BCL3: variants seen among roughly 807,000 people sequenced by gnomAD.
BCL3 encodes B-cell lymphoma 3 protein.
A neutral mutation model predicts 35.7 loss-of-function variants in BCL3; 15 were observed. The observed-to-expected ratio is 0.42, with a 90% CI of 0.28 to 0.65. The LOEUF (loss-of-function observed/expected upper bound fraction) is 0.65, where lower values mean the gene tolerates loss of function less well. Ranked by LOEUF, BCL3 falls within the 30% of genes least tolerant of loss-of-function variation. BCL3 has a pLI of 0.22. For missense variants in BCL3, 565 were observed against 641.7 expected (o/e 0.88, Z 1.29); for synonymous variants, 311 against 284.3 (o/e 1.09, Z -0.95).
chr19:44,752,109 C>CAA (rs1402677719), intron 2 of BCL3, among the ~76,000 whole-genome samples: 1 of 150,104 alleles, frequency 6.7e-6, no homozygotes, highest in Non-Finnish European at 1.5e-5. Flanking sequence ...CACACACACA[C>CAA]AAACTTGAAA....
Position 44,748,738 on chromosome 19 carries a change from C to T in BCL3, c.-53C>T. The T allele has an allele frequency of 9.3e-7, 1 of 1,075,936 alleles. No individual in the cohort carries two copies. Among genetic ancestry groups the T allele is most frequent in the Non-Finnish European group, 1.1e-6 (1 of 888,690 alleles). 66.6% of individuals were successfully genotyped at this position (1,075,936 alleles called of 1,614,324 possible). A position where few individuals can be genotyped will look rare whatever the true frequency, so the allele number is the denominator to read the frequency against. The stretch of plus-strand genomic sequence containing the variant: ...AAGTCCCGGCGCCCGGCGAAACCAC[C>T]CTCCCGTGCAGCCGAGCCCAGCCGC... On this transcript the variant is annotated 5_prime_UTR_variant, in exon 1 of 9. Coordinates refer to ENST00000164227, the MANE Select transcript of BCL3 (RefSeq NM_005178.5).
At chr19:44,753,142 G>GCA (rs1448853379) in intron 2 of BCL3, among the ~76,000 whole-genome samples, 4 of 152,218 alleles carry the variant, frequency 2.6e-5, no homozygotes, top group Non-Finnish European at 4.4e-5. Context: ...AATGGGTAAT[G>GCA]TTTGAGCAGA....
chr19:44,749,554 A>C (rs1967137893), intron 1 of BCL3, among the ~76,000 whole-genome samples: 1 of 152,094 alleles, frequency 6.6e-6, no homozygotes, highest in Non-Finnish European at 1.5e-5. Flanking sequence ...AGGAACCAAG[A>C]TATCTGGAGA....
In BCL3 at chr19:44,754,728, C is replaced by T. The variant is rs1967250127; in HGVS notation, c.411-1504C>T. Among the ~76,000 whole-genome samples, 2 of 152,110 alleles carry T rather than the reference C, an allele frequency of 1.3e-5. 1 individual carries two copies. The highest frequency in any genetic ancestry group is 4.1e-4 in the South Asian group (2 of 4,830). On this transcript the variant is annotated intron_variant, in intron 2 of 8. Transcript: ENST00000164227. ...GGGGACCCTTCCCAGGGACCCCGGC[C>T]CCTCCCTCAACATTTTATTTTTAAA... is the stretch of plus-strand genomic sequence containing the variant.
chr19:44,759,480 C>A lies in BCL3; in HGVS notation c.1230C>A (p.Asp410Glu). 1.9e-6 allele frequency: 3 copies of A among 1,609,706 alleles called. No individual in the cohort carries two copies. The highest frequency in any genetic ancestry group is 1.7e-6 in the Non-Finnish European group (2 of 1,177,232). Residue 410 changes from aspartate (D) to glutamate (E), a missense_variant, in exon 9 of 9, where the codon GAC becomes GAA. Asp to Glu is a conservative substitution (Grantham distance 45, BLOSUM62 2). This residue lies in a region of BCL3 where 151 missense variants were observed against 138.1 expected (regional missense o/e 1.09). Coordinates refer to ENST00000164227, the MANE Select transcript of BCL3 (RefSeq NM_005178.5). ...CACCCTCCCAGTCTCCCCCCAGGGA[C>A]CCCCCTGGATTCCCCATGGCTCCTC... ...SSSPSQSPPR[D>E]PPGFPMAPPN...
Position 44,757,297 on chromosome 19 carries a change from T to C in BCL3, c.725-30T>C, listed in dbSNP as rs11880948. ...CATCAGCGGCCGCAAAGCCCGGGCC[T>C]AGGTTTCACCGAGCCCTCCTCTCCC... On this transcript the variant is annotated intron_variant, in intron 4 of 8. Coordinates refer to ENST00000164227, the MANE Select transcript of BCL3 (RefSeq NM_005178.5). This position sits in a 1 kb window ranked among gnomAD's most constrained non-coding sequence, Gnocchi z 8.4. The C allele has an allele frequency of 0.053, 84,379 of 1,580,326 alleles. 4,060 individuals carry two copies. The highest frequency in any genetic ancestry group is 0.24 in the African/African-American group (17,416 of 73,892).
In BCL3 at chr19:44,757,145, C is replaced by G; in HGVS notation, c.648C>G (p.Arg216=). Residue 216 remains arginine, a synonymous_variant, in exon 4 of 9, where the codon CGC becomes CGG. Transcript: ENST00000164227. This position sits in a 1 kb window ranked among gnomAD's most constrained non-coding sequence, Gnocchi z 8.4. ...CCGCTCACCTGGCGTGCGAGCACCG[C>G]AGCCCGACCTGCCTGCGAGCCCTGC... ...QTAAHLACEH[R]SPTCLRALLD... is the part of the protein sequence containing the mutation. 1 of 1,591,990 alleles carries G rather than the reference C, an allele frequency of 6.3e-7. No individual in the cohort carries two copies. Among genetic ancestry groups the G allele is most frequent in the Non-Finnish European group, 8.5e-7 (1 of 1,169,824 alleles).
In BCL3 at chr19:44,758,314, G is replaced by A; in HGVS notation, c.960G>A (p.Gly320=). ...SSALHSASGR[G]LLPLVRTLVR... The stretch of plus-strand genomic sequence containing the variant: ...CCCTGCACTCAGCGTCCGGCCGCGG[G>A]CTCCTCCCGCTGGTGCGCACGCTGG... The change falls in exon 7 of 9, where the codon GGG becomes GGA. Residue 320 remains glycine, a synonymous_variant. Coordinates refer to ENST00000164227, the MANE Select transcript of BCL3 (RefSeq NM_005178.5). 1 of 1,569,770 alleles carries A rather than the reference G, an allele frequency of 6.4e-7. No homozygotes were observed. The highest frequency in any genetic ancestry group is 8.6e-7 in the Non-Finnish European group (1 of 1,166,642).
chr19:44,753,534 C>A (rs922554941), intron 2 of BCL3, among the ~76,000 whole-genome samples: 4 of 152,240 alleles, frequency 2.6e-5, no homozygotes, highest in Non-Finnish European at 5.9e-5. Context: ...GCAGCCTCCC[C>A]CCTCCTGGCG....
In BCL3 at chr19:44,756,310, G is replaced by A. The variant is rs367949645; in HGVS notation, c.489G>A (p.Arg163=). ...TCAACCTCTTCCAGCAGGGGGGCCG[G>A]GAGCTCGACATCTACAACAACCTAC... ...RLVNLFQQGG[R]ELDIYNNLRQ... Residue 163 remains arginine, a synonymous_variant, in exon 3 of 9, where the codon CGG becomes CGA. Coordinates refer to ENST00000164227, the MANE Select transcript of BCL3 (RefSeq NM_005178.5). 1.2e-5 allele frequency: 19 copies of A among 1,541,964 alleles called. No homozygotes were observed. The African/African-American group carries it at 2.2e-4, about 18-fold the overall frequency.
chr19:44,757,372 C>G lies in BCL3; in HGVS notation c.770C>G (p.Thr257Ser), dbSNP rs746104910. ...HVAVNTECQE[T>S]VQLLLERGAD... ...GCAGTGAACACCGAGTGCCAAGAAA[C>G]CGTGCAGCTCTTGCTAGAGCGCGGT... The change falls in exon 5 of 9, where the codon ACC becomes AGC. Residue 257 changes from threonine to serine, a missense_variant. Thr to Ser is a moderately conservative substitution (Grantham distance 58, BLOSUM62 1). This residue lies in a region of BCL3 where 103 missense variants were observed against 106.7 expected (regional missense o/e 0.97). Coordinates refer to ENST00000164227, the MANE Select transcript of BCL3 (RefSeq NM_005178.5). This position sits in a 1 kb window ranked among gnomAD's most constrained non-coding sequence, Gnocchi z 8.4. 1 of 1,606,584 alleles carries G rather than the reference C, an allele frequency of 6.2e-7. No individual in the cohort carries two copies. Among genetic ancestry groups the G allele is most frequent in the East Asian group, 2.3e-5 (1 of 44,298 alleles).
intron 2 of BCL3, among the ~76,000 whole-genome samples, chr19:44,751,721 C>T (rs958505147): frequency 1.3e-5 from 2 of 152,182 alleles, no homozygotes; most frequent in African/African-American, 4.8e-5. Flanking sequence ...CATGCCACAG[C>T]CTCCCGAGTA....
Position 44,758,810 on chromosome 19 carries a change from C to A in BCL3, c.1146C>A (p.Ser382=). 6.2e-7 allele frequency: 1 copy of A among 1,605,340 alleles called. No individual in the cohort carries two copies. The stretch of plus-strand genomic sequence containing the variant: ...CCCCTGACCGGAGCGCCAACACCTC[C>A]CCCGAGAGCAGCAGCCGCCTCAGCT... The part of the protein sequence containing the change: ...DPSPDRSANT[S]PESSSRLSSN... Residue 382 remains serine (S), a synonymous_variant, in exon 8 of 9, where the codon TCC becomes TCA. Transcript: ENST00000164227.
intron 1 of BCL3, among the ~76,000 whole-genome samples, chr19:44,750,338 G>A (rs748922458): frequency 2.8e-4 from 41 of 147,568 alleles, no homozygotes; most frequent in Non-Finnish European, 4.0e-4. Flanking sequence ...TTGCTCTGTC[G>A]CCCAGGCTGG....
intron 8 of BCL3, among the ~76,000 whole-genome samples, chr19:44,759,104 A>C (rs1400032714): frequency 1.2e-5 from 1 of 82,716 alleles, no homozygotes; most frequent in East Asian, 4.0e-4. Flanking sequence ...AGCCCCTCTT[A>C]TCTCAAACCT....
chr19:44,753,834 G>A (rs985316040), intron 2 of BCL3, among the ~76,000 whole-genome samples: 2 of 138,328 alleles, frequency 1.4e-5, no homozygotes, highest in South Asian at 2.7e-4. Context: ...GGGGCGGGGG[G>A]GGGGGGTGAT....
At chr19:44,758,118 A>G in intron 6 of BCL3, 128 bp from the exon 7 acceptor site, 1 of 1,000,062 alleles carries the variant, frequency 1.0e-6, no homozygotes. Context: ...TCTCGCTCCT[A>G]CCTTCCTGTG....
rs1284130910 is a variant in BCL3 at position 44,757,442 on chromosome 19, G to GA, written c.813+28dup. 1 of 1,559,818 alleles carries GA rather than the reference G, an allele frequency of 6.4e-7. No homozygotes were observed. The highest frequency in any genetic ancestry group is 1.9e-5 in the Admixed American group (1 of 53,566). On this transcript the variant is annotated intron_variant, in intron 5 of 8. Coordinates refer to ENST00000164227, the MANE Select transcript of BCL3 (RefSeq NM_005178.5). The surrounding 1 kb of genome is among the most constrained non-coding windows in gnomAD (Gnocchi z 8.4). ...TGAGCGTGCACTAGGAGCTGGGAGG[G>GA]AGCGGGGCCTTAGCAGGGGCGGGGT...
intron 1 of BCL3, among the ~76,000 whole-genome samples, chr19:44,750,072 C>T (rs557557897): frequency 5.3e-5 from 8 of 152,258 alleles, no homozygotes; most frequent in African/African-American, 1.9e-4. Context: ...CCCAAAGCTG[C>T]AGAGAGCCGT....
Sources: allele counts gnomAD v4.1 joint callset (sites outside exome capture counted in the v4.1 genomes callset), GRCh38; gene constraint gnomAD v4.1.1; regional missense constraint gnomAD v4.1.1; non-coding constraint Gnocchi (gnomAD v3.1); transcripts MANE v1.5; gene names NCBI Gene and HGNC (gene_info 2026-07-23, HGNC 2026-07-21).